The following RCOR3 variants were observed in gnomAD, a reference collection of about 807,000 sequenced individuals.
The protein encoded by RCOR3 is REST corepressor 3.
Under a neutral mutation model 64.1 loss-of-function variants are expected in RCOR3, and 13 were observed. The ratio of observed to expected loss-of-function variants is 0.20; its 90% CI spans 0.13 to 0.32. RCOR3 has a LOEUF of 0.32. Ranked by LOEUF, RCOR3 falls within the 10% of genes least tolerant of loss-of-function variation. The pLI, the probability that RCOR3 is intolerant of heterozygous loss-of-function variation, is 1.00. For missense variants in RCOR3, 489 were observed against 701.2 expected (o/e 0.70, Z 3.42); for synonymous variants, 215 against 239.0 (o/e 0.90, Z 0.93).
At chr1:211,270,674 T>C (rs1696027844) in intron 2 of RCOR3, among the ~76,000 whole-genome samples, 1 of 152,152 alleles carries the variant, frequency 6.6e-6, no homozygotes, top group East Asian at 1.9e-4. Flanking sequence ...AGATATGTAA[T>C]GTACTGAAGA....
intron 3 of RCOR3, 31 bp downstream of exon 3, chr1:211,271,340 A>G (rs1344633722): frequency 1.3e-6 from 2 of 1,569,084 alleles, no homozygotes; most frequent in South Asian, 1.1e-5. Flanking sequence ...TGTTAATGTC[A>G]GCAGGAGTTT....
At chr1:211,272,502 G>T (rs1414511721) in intron 3 of RCOR3, among the ~76,000 whole-genome samples, 3 of 151,730 alleles carry the variant, frequency 2.0e-5, no homozygotes, top group East Asian at 3.9e-4. Context: ...TTTCAACCCT[G>T]GGTGTGCATT....
intron 2 of RCOR3, among the ~76,000 whole-genome samples, chr1:211,266,129 C>T (rs1448656277): frequency 6.6e-6 from 1 of 152,096 alleles, no homozygotes; most frequent in Non-Finnish European, 1.5e-5. Context: ...TTTTCTCATG[C>T]TCATGTACCC....
intron 7 of RCOR3, among the ~76,000 whole-genome samples, chr1:211,285,228 AT>A (rs1417625986): frequency 6.6e-6 from 1 of 152,232 alleles, no homozygotes; most frequent in Non-Finnish European, 1.5e-5. Flanking sequence ...AATAGAAGAT[AT>A]GATAGGGAAC....
At chr1:211,289,795 T>C (rs145871127) in intron 8 of RCOR3, among the ~76,000 whole-genome samples, 5 of 152,196 alleles carry the variant, frequency 3.3e-5, no homozygotes, top group African/African-American at 4.8e-5. Flanking sequence ...TCATCATCAT[T>C]ATCAGTAGTA....
In RCOR3 at chr1:211,312,932, T is replaced by C; in HGVS notation, c.1288T>C (p.Ser430Pro). The change falls in exon 11 of 12, where the codon TCA (serine) becomes CCA (proline). Residue 430 changes from serine to proline, a missense_variant. Ser to Pro is a moderately conservative substitution (Grantham distance 74, BLOSUM62 -1). Around this residue, in one of 2 missense-constraint regions of RCOR3, gnomAD observed 402 missense variants for 617.0 expected, o/e 0.65. Transcript: ENST00000419091. This position sits in a 1 kb window ranked among gnomAD's most constrained non-coding sequence, Gnocchi z 5.0. ...GACAAAAAGTGCTTCTAATGTGCCA[T>C]CAGGGAAGAGCACTGATGAAGAAGA... ...EETKSASNVP[S>P]GKSTDEEEEA... The C allele has an allele frequency of 6.2e-7, 1 of 1,614,158 alleles. No individual in the cohort carries two copies. The highest frequency in any genetic ancestry group is 2.2e-5 in the East Asian group (1 of 44,874).
In RCOR3 at chr1:211,259,455, G is replaced by GTCT. The variant is rs1693774194; in HGVS notation, c.-105_-103dup. ...CTCCTCCTCCTCCGCCGCCGCCGCCGTCTCCTCCTCCTCCTCCTTTCCCTC... is the reference window on the plus strand; with the variant it reads ...CTCCTCCTCCTCCGCCGCCGCCGCCGTCTTCTCCTCCTCCTCCTCCTTTCCCTC... On this transcript the variant is annotated 5_prime_UTR_variant, in exon 1 of 12. Coordinates refer to ENST00000419091, the MANE Select transcript of RCOR3 (RefSeq NM_001136223.3). The GTCT allele has an allele frequency of 4.5e-6, 5 of 1,118,618 alleles. No individual in the cohort carries two copies. Among genetic ancestry groups the GTCT allele is most frequent in the Non-Finnish European group, 6.2e-6 (5 of 802,402 alleles). 69.3% of individuals were successfully genotyped at this position (1,118,618 alleles called of 1,614,324 possible). A position where few individuals can be genotyped will look rare whatever the true frequency, so the allele number is the denominator to read the frequency against.
At chr1:211,289,968 C>G (rs1178002123) in intron 8 of RCOR3, among the ~76,000 whole-genome samples, 1 of 152,158 alleles carries the variant, frequency 6.6e-6, no homozygotes, top group Non-Finnish European at 1.5e-5. Context: ...GTTTTCTCAT[C>G]TGGAAATGTG....
chr1:211,302,488 T>C (rs950563558), intron 9 of RCOR3: 2 of 152,140 alleles, frequency 1.3e-5, no homozygotes, highest in Admixed American at 1.3e-4. Flanking sequence ...AAACAAAAAA[T>C]GACCCATTTT....
Position 211,271,224 on chromosome 1 carries a change from TC to T in RCOR3, c.224-3del, listed in dbSNP as rs1558051992. Reference sequence around the variant, plus strand: ...ATCATATTCAAAGTAATTATCTTTTTCCCCCAGGTGCTACAAAGTACACAGA... The same window carrying T: ...ATCATATTCAAAGTAATTATCTTTTTCCCCAGGTGCTACAAAGTACACAGA... On this transcript the variant is annotated splice_polypyrimidine_tract_variant and splice_region_variant and intron_variant, in intron 2 of 11. Transcript: ENST00000419091. 6.2e-7 allele frequency: 1 copy of T among 1,608,848 alleles called. No individual in the cohort carries two copies. The highest frequency in any genetic ancestry group is 8.5e-7 in the Non-Finnish European group (1 of 1,176,146).
chr1:211,312,625 T>G lies in RCOR3; in HGVS notation c.1076-95T>G. 1 of 863,972 alleles carries G rather than the reference T, an allele frequency of 1.2e-6. No homozygotes were observed. The highest frequency in any genetic ancestry group is 1.9e-6 in the Non-Finnish European group (1 of 529,412). The allele number at this position is 863,972 out of a possible 1,614,324, so 53.5% of individuals were successfully genotyped here. On this transcript the variant is annotated intron_variant, in intron 10 of 11. Coordinates refer to ENST00000419091, the MANE Select transcript of RCOR3 (RefSeq NM_001136223.3). This position sits in a 1 kb window ranked among gnomAD's most constrained non-coding sequence, Gnocchi z 5.0. ...TGAGCAGAGTTTATCAGAAAGGAATTTCATTGCTGGTATCTTTTGTGTGTG... is the reference window on the plus strand; with the variant it reads ...TGAGCAGAGTTTATCAGAAAGGAATGTCATTGCTGGTATCTTTTGTGTGTG...
At position 211,262,822 on chromosome 1, in the gene RCOR3, G is replaced by GTTT. The variant is rs11406987; in HGVS notation, c.223+2669_223+2671dup. On this transcript the variant is annotated intron_variant, in intron 2 of 11. Transcript: ENST00000419091. ...TTAATGTGATTTTGCATGGCCACTG[G>GTTT]TTTTTTTTTTTTTGAAGAAGCTATT... 2.3e-3 allele frequency among the ~76,000 whole-genome samples: 335 copies of GTTT among 142,938 alleles called. 2 individuals carry two copies. Among genetic ancestry groups the GTTT allele is most frequent in the Admixed American group, 0.017 (243 of 14,334 alleles). 93.8% of individuals were successfully genotyped at this position (142,938 alleles called of 152,430 possible).
intron 7 of RCOR3, among the ~76,000 whole-genome samples, chr1:211,283,260 G>T (rs1034117671): frequency 1.3e-5 from 2 of 152,210 alleles, no homozygotes; most frequent in Non-Finnish European, 2.9e-5. Context: ...CATTTCAGTT[G>T]TCGAGTGGGC....
Position 211,312,406 on chromosome 1 carries a change from G to A in RCOR3, c.1076-314G>A, listed in dbSNP as rs528667095. ...AATGTGGAATTGAGGATGGAACAAAGAATTCAATGCTTTACAATAAATGGA... is the reference window on the plus strand; with the variant it reads ...AATGTGGAATTGAGGATGGAACAAAAAATTCAATGCTTTACAATAAATGGA... On this transcript the variant is annotated intron_variant, in intron 10 of 11. Transcript: ENST00000419091. This position sits in a 1 kb window ranked among gnomAD's most constrained non-coding sequence, Gnocchi z 5.0. The A allele has an allele frequency of 2.0e-6, 1 of 498,918 alleles. No individual in the cohort carries two copies. The highest frequency in any genetic ancestry group is 1.5e-5 in the South Asian group (1 of 64,936). The allele number at this position is 498,918 out of a possible 1,614,324, so 30.9% of individuals were successfully genotyped here.
chr1:211,307,433 G>A (rs1323993376), intron 10 of RCOR3, among the ~76,000 whole-genome samples: 4 of 150,916 alleles, frequency 2.7e-5, no homozygotes, highest in Non-Finnish European at 5.9e-5. Context: ...AGGTTGCAGT[G>A]AGCCAAGATG....
chr1:211,313,105 G>A lies in RCOR3; in HGVS notation c.1317+144G>A, dbSNP rs538169978. ...ACACTTCTTCAGTGGTGCATCTCTCGTGACTCTTAAGTCATAATGACATGC... is the reference window on the plus strand; with the variant it reads ...ACACTTCTTCAGTGGTGCATCTCTCATGACTCTTAAGTCATAATGACATGC... On this transcript the variant is annotated intron_variant, in intron 11 of 11. Coordinates refer to ENST00000419091, the MANE Select transcript of RCOR3 (RefSeq NM_001136223.3). The surrounding 1 kb of genome is among the most constrained non-coding windows in gnomAD (Gnocchi z 4.7). 6.4e-5 allele frequency: 98 copies of A among 1,526,466 alleles called. No individual in the cohort carries two copies. In the East Asian group the frequency reaches 1.3e-3, roughly 19 times the overall value. The allele number at this position is 1,526,466 out of a possible 1,614,324, so 94.6% of individuals were successfully genotyped here.
In RCOR3 at chr1:211,313,160, G is replaced by A; in HGVS notation, c.1317+199G>A. ...TTCTGATTCTAGAAGAATGGAGAGT[G>A]TATTGTTCTTTCATAGTCTTATTTT... On this transcript the variant is annotated intron_variant, in intron 11 of 11. Transcript: ENST00000419091. This position sits in a 1 kb window ranked among gnomAD's most constrained non-coding sequence, Gnocchi z 4.7. 6.9e-7 allele frequency: 1 copy of A among 1,454,258 alleles called. No homozygotes were observed. Among genetic ancestry groups the A allele is most frequent in the South Asian group, 1.5e-5 (1 of 67,490 alleles). 90.1% of individuals were successfully genotyped at this position (1,454,258 alleles called of 1,614,324 possible).
At chr1:211,276,817 G>C (rs1445048180) in intron 5 of RCOR3, among the ~76,000 whole-genome samples, 1 of 152,082 alleles carries the variant, frequency 6.6e-6, no homozygotes, top group Non-Finnish European at 1.5e-5. Context: ...GCCGGGCGCG[G>C]TGGCTCACGC....
At chr1:211,283,788 C>T (rs1698147153) in intron 7 of RCOR3, among the ~76,000 whole-genome samples, 1 of 150,536 alleles carries the variant, frequency 6.6e-6, no homozygotes, top group African/African-American at 2.4e-5. Context: ...GGATTGCAGA[C>T]GTGAGCCAGC....
Sources: gnomAD v4.1 joint callset for allele counts (sites outside exome capture counted in the v4.1 genomes callset) on GRCh38, gnomAD v4.1.1 for gene constraint, gnomAD v4.1.1 regional missense constraint, Gnocchi (gnomAD v3.1) non-coding constraint, MANE v1.5 for transcripts, NCBI Gene and HGNC (gene_info 2026-07-23, HGNC 2026-07-21) for gene names.